CDH13: variants seen among roughly 807,000 people sequenced by gnomAD.
CDH13 encodes cadherin-13.
Under a neutral mutation model 63.8 loss-of-function variants are expected in CDH13, and 24 were observed. That is an observed-to-expected ratio of 0.38 (90% confidence interval 0.27 to 0.53). CDH13 has a LOEUF of 0.53. Among genes scored for constraint, CDH13 ranks in the 20% least tolerant of loss-of-function variants. The probability of loss-of-function intolerance (pLI) is 0.85; values close to 1 mark genes in which losing one functional copy is unlikely to be tolerated. For synonymous variants in CDH13, 503 were observed against 355.3 expected (o/e 1.42, Z -4.67); for missense variants, 1,049 against 903.1 (o/e 1.16, Z -2.07).
chr16:82,672,920 T>C (rs1193856649), intron 1 of CDH13, among the ~76,000 whole-genome samples: 3 of 151,170 alleles, frequency 2.0e-5, no homozygotes, highest in African/African-American at 7.3e-5. Flanking sequence ...GCTCAAATCT[T>C]CCTTCTGCCT....
chr16:82,792,850 G>T (rs2036387262), intron 1 of CDH13, among the ~76,000 whole-genome samples: 1 of 152,322 alleles, frequency 6.6e-6, no homozygotes, highest in Admixed American at 6.5e-5. Context: ...AGACTACAAA[G>T]TGCCAAGCGC....
intron 8 of CDH13, among the ~76,000 whole-genome samples, chr16:83,658,016 C>A (rs1411102188): frequency 6.9e-6 from 1 of 145,098 alleles, no homozygotes; most frequent in East Asian, 2.0e-4. Context: ...GTCCCATATC[C>A]TCACCACCAG....
At chr16:82,965,003 T>C (rs557633588) in intron 2 of CDH13, among the ~76,000 whole-genome samples, 32 of 152,340 alleles carry the variant, frequency 2.1e-4, no homozygotes, top group African/African-American at 7.2e-4. Flanking sequence ...CACCAGGTGA[T>C]GTAAGTTTAG....
intron 2 of CDH13, among the ~76,000 whole-genome samples, chr16:83,000,580 T>C (rs1192891296): frequency 2.0e-5 from 3 of 149,996 alleles, no homozygotes; most frequent in African/African-American, 7.4e-5. Context: ...TTCTCTTTTT[T>C]TTTTTTTTTT....
chr16:83,276,045 A>C (rs1414515549), intron 5 of CDH13, among the ~76,000 whole-genome samples: 1 of 152,180 alleles, frequency 6.6e-6, no homozygotes, highest in East Asian at 1.9e-4. Context: ...TTAGAACCTG[A>C]ACACCTAGGC....
At chr16:82,876,588 A>T (rs954694675) in intron 2 of CDH13, among the ~76,000 whole-genome samples, 4 of 152,236 alleles carry the variant, frequency 2.6e-5, no homozygotes, top group South Asian at 4.1e-4. Flanking sequence ...TGTACTCGTC[A>T]TGGGCCCCTA....
At chr16:83,373,656 T>C (rs2091412210) in intron 6 of CDH13, among the ~76,000 whole-genome samples, 1 of 152,136 alleles carries the variant, frequency 6.6e-6, no homozygotes, top group African/African-American at 2.4e-5. Context: ...AAAATATTTG[T>C]GGATTAAAGA....
Position 82,949,355 on chromosome 16 carries a change from C to T in CDH13, c.158-82655C>T, listed in dbSNP as rs575870118. On this transcript the variant is annotated intron_variant, in intron 2 of 13. Coordinates refer to ENST00000567109, the MANE Select transcript of CDH13 (RefSeq NM_001257.5). ...CGTCTCTGTCTTCACATGGCATTTTCTTATATGGACCCCACGCATACTGGA... is the reference window on the plus strand; with the variant it reads ...CGTCTCTGTCTTCACATGGCATTTTTTTATATGGACCCCACGCATACTGGA... 2.6e-5 allele frequency among the ~76,000 whole-genome samples: 4 copies of T among 152,292 alleles called. No homozygotes were observed. The South Asian group carries it at 8.3e-4, about 32-fold the overall frequency.
At chr16:82,880,677 AC>A (rs1381885845) in intron 2 of CDH13, among the ~76,000 whole-genome samples, 1 of 152,170 alleles carries the variant, frequency 6.6e-6, no homozygotes, top group Admixed American at 6.5e-5. Context: ...GTAGTGAAAA[AC>A]ATCTTATAAT....
chr16:82,974,662 A>G (rs917409792), intron 2 of CDH13, among the ~76,000 whole-genome samples: 16 of 152,164 alleles, frequency 1.1e-4, no homozygotes, highest in African/African-American at 3.9e-4. Flanking sequence ...AAGGGTCCTT[A>G]TCAGAAAAAG....
chr16:83,560,899 G>GCACCCCC (rs1555573400), intron 7 of CDH13, among the ~76,000 whole-genome samples: 13 of 148,472 alleles, frequency 8.8e-5, no homozygotes, highest in African/African-American at 2.5e-4. Flanking sequence ...CATAAGGTTG[G>GCACCCCC]CCCCCCCCCC....
intron 8 of CDH13, among the ~76,000 whole-genome samples, chr16:83,653,192 G>T (rs923427281): frequency 6.6e-6 from 1 of 152,134 alleles, no homozygotes; most frequent in African/African-American, 2.4e-5. Flanking sequence ...TGGGGCTTCT[G>T]TTCGAGGTGT....
chr16:82,650,945 G>T (rs760419509), intron 1 of CDH13, among the ~76,000 whole-genome samples: 1 of 152,204 alleles, frequency 6.6e-6, no homozygotes, highest in Non-Finnish European at 1.5e-5. Flanking sequence ...TTTGAAATTT[G>T]CTGGGCTAGA....
intron 1 of CDH13, among the ~76,000 whole-genome samples, chr16:82,694,345 C>T (rs1167123018): frequency 6.6e-6 from 1 of 152,148 alleles, no homozygotes; most frequent in Admixed American, 6.5e-5. Flanking sequence ...GGTATTTCAC[C>T]ACCCCAACAT....
intron 4 of CDH13, among the ~76,000 whole-genome samples, chr16:83,160,129 T>G (rs2037385282): frequency 6.6e-6 from 1 of 152,086 alleles, no homozygotes. Context: ...GCACATGCTG[T>G]TGGATGTACC....
At chr16:83,568,590 C>T (rs573701347) in intron 7 of CDH13, among the ~76,000 whole-genome samples, 166 of 152,252 alleles carry the variant, frequency 1.1e-3, no homozygotes, top group Non-Finnish European at 1.9e-3. Flanking sequence ...GGCCAGTTCC[C>T]GAGTGGGGGC....
chr16:83,502,616 C>G (rs538741686), intron 7 of CDH13, among the ~76,000 whole-genome samples: 11 of 152,288 alleles, frequency 7.2e-5, no homozygotes, highest in Admixed American at 3.9e-4. Flanking sequence ...GTGTTAAATA[C>G]AGTAGCTTTT....
intron 1 of CDH13, among the ~76,000 whole-genome samples, chr16:82,731,294 T>C (rs147512342): frequency 4.9e-4 from 75 of 152,348 alleles, no homozygotes; most frequent in Non-Finnish European, 1.5e-4. Flanking sequence ...TCATAGAATA[T>C]ACATATATAA....
In CDH13 at chr16:83,117,663, A is replaced by G. The variant is rs112263508; in HGVS notation, c.367-7722A>G. ...GGCTTGGTTGATACGTTTTGAAGAAATGAATGAAAGAATGAATGAATGACT... is the reference window on the plus strand; with the variant it reads ...GGCTTGGTTGATACGTTTTGAAGAAGTGAATGAAAGAATGAATGAATGACT... On this transcript the variant is annotated intron_variant, in intron 3 of 13. Transcript: ENST00000567109. 2.4e-3 allele frequency among the ~76,000 whole-genome samples: 370 copies of G among 152,120 alleles called. 1 individual carries two copies. The highest frequency in any genetic ancestry group is 7.3e-3 in the African/African-American group (301 of 41,506).
Sources: gnomAD v4.1 joint callset for allele counts (sites outside exome capture counted in the v4.1 genomes callset) on GRCh38, gnomAD v4.1.1 for gene constraint, MANE v1.5 for transcripts, NCBI Gene and HGNC (gene_info 2026-07-23, HGNC 2026-07-21) for gene names.